TRDN: variants seen among roughly 807,000 people sequenced by gnomAD.
The protein encoded by TRDN is triadin, also known as triadin in skeletal muscle.
A neutral mutation model predicts 149.7 loss-of-function variants in TRDN; 161 were observed. The ratio of observed to expected loss-of-function variants is 1.08; its 90% CI spans 0.95 to 1.23. The LOEUF is 1.23. TRDN is among the 50% of genes most tolerant of loss of function. The pLI is 0.00. For missense variants in TRDN, 896 were observed against 823.5 expected (o/e 1.09, Z -1.08); for synonymous variants, 294 against 250.5 (o/e 1.17, Z -1.64).
chr6:123,486,078 A>G (rs1471417934), intron 9 of TRDN, among the ~76,000 whole-genome samples: 1 of 152,096 alleles, frequency 6.6e-6, no homozygotes, highest in Non-Finnish European at 1.5e-5. Context: ...AAAATCTTCC[A>G]TTATTAAATT....
intron 21 of TRDN, among the ~76,000 whole-genome samples, chr6:123,348,836 T>C (rs1386147613): frequency 6.6e-6 from 1 of 152,092 alleles, no homozygotes; most frequent in South Asian, 2.1e-4. Flanking sequence ...TATAATCTTG[T>C]CTAGAATGTC....
Position 123,464,790 on chromosome 6 carries a change from G to T in TRDN, c.931+116C>A, listed in dbSNP as rs906405302. The T allele has an allele frequency of 1.1e-5, 16 of 1,490,426 alleles. No homozygotes were observed. The South Asian group carries it at 2.1e-4, about 20-fold the overall frequency. 92.3% of individuals were successfully genotyped at this position (1,490,426 alleles called of 1,614,324 possible). On this transcript the variant is annotated intron_variant, in intron 10 of 40. Coordinates refer to ENST00000334268, the MANE Select transcript of TRDN (RefSeq NM_006073.4). ...AAAGTATAGTTTAGACATACTAAAA[G>T]TATTTAAGAAAATATTGGATTTTGC...
chr6:123,235,566 A>AT (rs147050454), intron 38 of TRDN, among the ~76,000 whole-genome samples: 2,001 of 152,246 alleles, frequency 0.013, 16 homozygotes, highest in Middle Eastern at 0.031. Flanking sequence ...TTTAAGGTTT[A>AT]TTTTTTAAAA....
chr6:123,607,113 T>C (rs1361301734), intron 1 of TRDN, among the ~76,000 whole-genome samples: 1 of 152,242 alleles, frequency 6.6e-6, no homozygotes, highest in African/African-American at 2.4e-5. Flanking sequence ...AAAAAGAAAC[T>C]GAATTCAATT....
At chr6:123,239,759 G>A (rs773825192) in intron 38 of TRDN, among the ~76,000 whole-genome samples, 13 of 152,016 alleles carry the variant, frequency 8.6e-5, no homozygotes, top group Non-Finnish European at 1.5e-4. Context: ...GTGCTTAAAG[G>A]AAAATTTATT....
At chr6:123,232,456 C>T (rs1480674770) in intron 38 of TRDN, among the ~76,000 whole-genome samples, 1 of 151,934 alleles carries the variant, frequency 6.6e-6, no homozygotes, top group African/African-American at 2.4e-5. Flanking sequence ...AGAGAAATTG[C>T]TAGGAGATCT....
chr6:123,327,886 T>A, intron 23 of TRDN, among the ~76,000 whole-genome samples: 1 of 152,324 alleles, frequency 6.6e-6, no homozygotes, highest in South Asian at 2.1e-4. Flanking sequence ...TATTTAATAT[T>A]TAAACATAAG....
intron 21 of TRDN, among the ~76,000 whole-genome samples, chr6:123,345,335 G>A (rs1780210430): frequency 6.6e-6 from 1 of 151,832 alleles, no homozygotes; most frequent in Non-Finnish European, 1.5e-5. Flanking sequence ...CCAGCAAATT[G>A]TTTTTTCTCC....
At chr6:123,268,483 T>G (rs1777092109) in intron 31 of TRDN, among the ~76,000 whole-genome samples, 1 of 152,128 alleles carries the variant, frequency 6.6e-6, no homozygotes, top group Non-Finnish European at 1.5e-5. Flanking sequence ...ATATCTTGAA[T>G]GGGATTGAGA....
intron 9 of TRDN, among the ~76,000 whole-genome samples, chr6:123,480,095 G>A (rs1777674523): frequency 6.6e-6 from 1 of 151,876 alleles, no homozygotes; most frequent in South Asian, 2.1e-4. Context: ...AATGGTAGAA[G>A]TGGCTATAGA....
chr6:123,597,059 T>C (rs1016838765), intron 1 of TRDN, among the ~76,000 whole-genome samples: 1 of 152,074 alleles, frequency 6.6e-6, no homozygotes, highest in East Asian at 1.9e-4. Context: ...TGGATCTAAA[T>C]GAAGCAAATT....
chr6:123,376,898 C>T (rs767509356), intron 18 of TRDN, among the ~76,000 whole-genome samples: 20 of 152,076 alleles, frequency 1.3e-4, no homozygotes, highest in Non-Finnish European at 2.5e-4. Flanking sequence ...CACACACACA[C>T]ACAATACTAA....
intron 10 of TRDN, among the ~76,000 whole-genome samples, chr6:123,463,301 C>T (rs1776575617): frequency 6.7e-6 from 1 of 150,292 alleles, no homozygotes; most frequent in Admixed American, 6.6e-5. Flanking sequence ...GGTGCCACTG[C>T]ACTTCCAGCC....
At chr6:123,627,782 A>C (rs1785756342) in intron 1 of TRDN, among the ~76,000 whole-genome samples, 1 of 152,162 alleles carries the variant, frequency 6.6e-6, no homozygotes, top group African/African-American at 2.4e-5. Flanking sequence ...GATCTTCTGG[A>C]TAACTTGCTG....
intron 24 of TRDN, among the ~76,000 whole-genome samples, chr6:123,306,933 C>G (rs769975587): frequency 6.6e-6 from 1 of 151,904 alleles, no homozygotes; most frequent in Non-Finnish European, 1.5e-5. Context: ...ATATGCTATG[C>G]TAAAAATAAA....
chr6:123,601,572 A>T (rs1255274523), intron 1 of TRDN, among the ~76,000 whole-genome samples: 1 of 152,102 alleles, frequency 6.6e-6, no homozygotes, highest in East Asian at 1.9e-4. Context: ...AATTGGTAAA[A>T]GGAGTTCCCT....
intron 12 of TRDN, among the ~76,000 whole-genome samples, chr6:123,434,844 A>G (rs1434747532): frequency 6.6e-6 from 1 of 151,978 alleles, no homozygotes; most frequent in East Asian, 1.9e-4. Context: ...TCAAATATAC[A>G]CTAAATAAAG....
Position 123,217,844 on chromosome 6 carries a change from C to A in TRDN, c.*757G>T, listed in dbSNP as rs1053999579. Reference sequence around the variant, plus strand: ...CTGGAGAAATTTCAGAATTCCACATCTCATTTGCTAATATTTTAAACAAAC... The same window carrying A: ...CTGGAGAAATTTCAGAATTCCACATATCATTTGCTAATATTTTAAACAAAC... On this transcript the variant is annotated 3_prime_UTR_variant, in exon 41 of 41. Coordinates refer to ENST00000334268, the MANE Select transcript of TRDN (RefSeq NM_006073.4). 1.3e-5 allele frequency: 2 copies of A among 151,966 alleles called. No individual in the cohort carries two copies. The highest frequency in any genetic ancestry group is 2.4e-5 in the African/African-American group (1 of 41,418). 9.4% of individuals were successfully genotyped at this position (151,966 alleles called of 1,614,324 possible).
intron 4 of TRDN, among the ~76,000 whole-genome samples, chr6:123,533,520 G>A (rs1780355148): frequency 6.6e-6 from 1 of 152,024 alleles, no homozygotes; most frequent in Non-Finnish European, 1.5e-5. Flanking sequence ...GATCATAGTA[G>A]GGTTTCCTGC....
Sources: allele counts gnomAD v4.1 joint callset (sites outside exome capture counted in the v4.1 genomes callset), GRCh38; gene constraint gnomAD v4.1.1; transcripts MANE v1.5; gene names NCBI Gene and HGNC (gene_info 2026-07-23, HGNC 2026-07-21).